The following PTPN13 variants were observed in gnomAD, a reference collection of about 807,000 sequenced individuals.
PTPN13 encodes the protein protein tyrosine phosphatase non-receptor type 13.
In PTPN13, 191 loss-of-function variants were observed where a neutral mutation model predicts 284.0. That is an observed-to-expected ratio of 0.67 (90% confidence interval 0.60 to 0.76). PTPN13 has a LOEUF of 0.76. Among genes scored for constraint, PTPN13 ranks in the 30% least tolerant of loss-of-function variants. The pLI is 0.00. For missense variants in PTPN13, 2,797 were observed against 2,939.9 expected (o/e 0.95, Z 1.12); for synonymous variants, 986 against 1,022.3 (o/e 0.96, Z 0.68).
chr4:86,765,423 G>A lies in PTPN13; in HGVS notation c.4178G>A (p.Gly1393Asp). The change falls in exon 26 of 48, where the codon GGT (glycine) becomes GAT (aspartate). Residue 1393 changes from glycine (G) to aspartate (D), a missense_variant. Transcript: ENST00000411767. ...GGTGTGAATACGAGTGTCAGACATG[G>A]TGGCATTTATGTGAAAGCTGTTATT... The part of the protein sequence containing the change: ...TGGVNTSVRH[G>D]GIYVKAVIPQ... 6.9e-6 allele frequency: 11 copies of A among 1,602,906 alleles called. No homozygotes were observed. Among genetic ancestry groups the A allele is most frequent in the Non-Finnish European group, 8.5e-6 (10 of 1,174,158 alleles).
rs548796676 is a variant in PTPN13, at chr4:86,776,032, G to A, written c.5891+380G>A. Among the ~76,000 whole-genome samples, 6 of 152,160 alleles carry A rather than the reference G, an allele frequency of 3.9e-5. No homozygotes were observed. In the East Asian group the frequency reaches 7.7e-4, roughly 20 times the overall value. On this transcript the variant is annotated intron_variant, in intron 35 of 47. Coordinates refer to ENST00000411767, the MANE Select transcript of PTPN13 (RefSeq NM_080683.3). The stretch of plus-strand genomic sequence containing the variant: ...GCAATCTTGGCTCACTGCAACCTCC[G>A]CCTCCCAGATTCAAGCAGATCTCCT...
chr4:86,722,619 A>AT (rs1377038549), intron 10 of PTPN13, among the ~76,000 whole-genome samples, 185 bp downstream of exon 10: 1 of 152,110 alleles, frequency 6.6e-6, no homozygotes, highest in Non-Finnish European at 1.5e-5. Flanking sequence ...ACATTTAGCT[A>AT]TTTTCATTAT....
At chr4:86,643,441 C>G (rs1051469908) in intron 2 of PTPN13, among the ~76,000 whole-genome samples, 1 of 151,908 alleles carries the variant, frequency 6.6e-6, no homozygotes, top group Non-Finnish European at 1.5e-5. Flanking sequence ...CTATAGAAAG[C>G]TAAGACAAAT....
At chr4:86,640,394 T>C (rs768930870) in intron 2 of PTPN13, among the ~76,000 whole-genome samples, 4 of 152,170 alleles carry the variant, frequency 2.6e-5, no homozygotes, top group African/African-American at 7.2e-5. Flanking sequence ...AGGAAAGATA[T>C]GTTGATGGCA....
intron 1 of PTPN13, among the ~76,000 whole-genome samples, chr4:86,605,709 C>T (rs940590966): frequency 2.7e-5 from 4 of 149,598 alleles, no homozygotes; most frequent in Admixed American, 2.7e-4. Context: ...TATCTCTTGG[C>T]ATATAAAATC....
At chr4:86,721,249 G>A (rs1355536739) in intron 9 of PTPN13, among the ~76,000 whole-genome samples, 1 of 152,164 alleles carries the variant, frequency 6.6e-6, no homozygotes, top group Admixed American at 6.5e-5. Context: ...GAGTTTAAAT[G>A]TGCAGATTCA....
intron 40 of PTPN13, 46 bp downstream of exon 40, chr4:86,785,982 A>G (rs1741863986): frequency 1.8e-6 from 2 of 1,109,460 alleles, no homozygotes; most frequent in Non-Finnish European, 2.6e-6. Context: ...GCTTGTTACA[A>G]TTATGGGTTT....
intron 35 of PTPN13, among the ~76,000 whole-genome samples, chr4:86,776,700 C>T (rs1359309021): frequency 3.9e-5 from 6 of 152,234 alleles, no homozygotes; most frequent in African/African-American, 1.4e-4. Flanking sequence ...TTTTACATTA[C>T]TTACATTACA....
intron 10 of PTPN13, among the ~76,000 whole-genome samples, chr4:86,731,954 G>C (rs1360835960): frequency 6.6e-6 from 1 of 152,146 alleles, no homozygotes; most frequent in East Asian, 1.9e-4. Context: ...ATCTGTTTTA[G>C]GCTGAATGTC....
At chr4:86,685,223 T>G (rs1011513594) in intron 3 of PTPN13, among the ~76,000 whole-genome samples, 10 of 152,212 alleles carry the variant, frequency 6.6e-5, no homozygotes, top group Non-Finnish European at 2.9e-5. Flanking sequence ...AGAGAAGTCC[T>G]TTGATTCAGC....
chr4:86,685,203 A>G (rs1729316654), intron 3 of PTPN13, among the ~76,000 whole-genome samples: 1 of 152,190 alleles, frequency 6.6e-6, no homozygotes, highest in African/African-American at 2.4e-5. Context: ...AAACAAAGCA[A>G]ACAACCTAAA....
In PTPN13 at chr4:86,719,718, A is replaced by T. The variant is rs1309601650; in HGVS notation, c.1386-2494A>T. Among the ~76,000 whole-genome samples, 3 of 152,128 alleles carry T rather than the reference A, an allele frequency of 2.0e-5. No homozygotes were observed. The East Asian group carries it at 5.8e-4, about 29-fold the overall frequency. On this transcript the variant is annotated intron_variant, in intron 9 of 47. Coordinates refer to ENST00000411767, the MANE Select transcript of PTPN13 (RefSeq NM_080683.3). ...TGTGGTTCTGATTTGCATTTCTGTA[A>T]TGATCAGTGATATGAAGCTTTTTTC... is the stretch of plus-strand genomic sequence containing the variant.
At chr4:86,803,540 C>T (rs1414836444) in intron 42 of PTPN13, among the ~76,000 whole-genome samples, 169 bp from the exon 43 acceptor site, 2 of 152,202 alleles carry the variant, frequency 1.3e-5, no homozygotes, top group African/African-American at 4.8e-5. Flanking sequence ...CCGCAGTGAG[C>T]TGTGATTACA....
chr4:86,661,598 C>T (rs561330630), intron 2 of PTPN13, among the ~76,000 whole-genome samples: 9 of 152,088 alleles, frequency 5.9e-5, no homozygotes, highest in Non-Finnish European at 1.0e-4. Context: ...ATGTCAATAG[C>T]AGCAGAGAAT....
At chr4:86,767,119 G>A (rs994762098) in intron 27 of PTPN13, among the ~76,000 whole-genome samples, 29 of 149,870 alleles carry the variant, frequency 1.9e-4, no homozygotes, top group Admixed American at 5.9e-4. Context: ...GATTGGGGGC[G>A]GGGGGTCTCC....
At position 86,598,530 on chromosome 4, in the gene PTPN13, T is replaced by G. The variant is rs75698709; in HGVS notation, c.-6+3741T>G. 1.3e-3 allele frequency among the ~76,000 whole-genome samples: 193 copies of G among 152,306 alleles called. 2 individuals are homozygous for G. The highest frequency in any genetic ancestry group is 4.4e-3 in the African/African-American group (185 of 41,574). On this transcript the variant is annotated intron_variant, in intron 1 of 47. Coordinates refer to ENST00000411767, the MANE Select transcript of PTPN13 (RefSeq NM_080683.3). ...ACAGTATTTAGTTTGCTTCCTTCCT[T>G]GCCAATTTTCTTTAAAAAATTAAAT...
At chr4:86,681,834 A>G (rs985868352) in intron 3 of PTPN13, among the ~76,000 whole-genome samples, 23 of 152,106 alleles carry the variant, frequency 1.5e-4, no homozygotes, top group Admixed American at 1.3e-3. Flanking sequence ...AGGCTGAGGC[A>G]GGGAGAATTG....
intron 28 of PTPN13, among the ~76,000 whole-genome samples, chr4:86,768,548 G>A (rs1739588602): frequency 6.6e-6 from 1 of 152,006 alleles, no homozygotes; most frequent in African/African-American, 2.4e-5. Context: ...TGGTGATGGT[G>A]TACAGTCATT....
chr4:86,784,311 G>A (rs1004789196), intron 37 of PTPN13, among the ~76,000 whole-genome samples, 154 bp from the exon 38 acceptor site: 46 of 151,994 alleles, frequency 3.0e-4, no homozygotes, highest in African/African-American at 1.1e-3. Context: ...ACATTTAATT[G>A]CACTGATATT....
Sources: gnomAD v4.1 joint callset for allele counts (sites outside exome capture counted in the v4.1 genomes callset) on GRCh38, gnomAD v4.1.1 for gene constraint, MANE v1.5 for transcripts, NCBI Gene and HGNC (gene_info 2026-07-23, HGNC 2026-07-21) for gene names.